Variants in PPARGC1A observed in about 807,000 individuals in gnomAD.
The protein encoded by PPARGC1A is PPARG coactivator 1 alpha, also known as peroxisome proliferator-activated receptor gamma coactivator 1-alpha.
Under a neutral mutation model 88.7 loss-of-function variants are expected in PPARGC1A, and 25 were observed. The ratio of observed to expected loss-of-function variants is 0.28; its 90% CI spans 0.21 to 0.39. The LOEUF (loss-of-function observed/expected upper bound fraction) is 0.39, where lower values mean the gene tolerates loss of function less well. Ranked by LOEUF, PPARGC1A falls within the 10% of genes least tolerant of loss-of-function variation. The pLI is 1.00. For synonymous variants in PPARGC1A, 363 were observed against 355.6 expected, an observed-to-expected ratio of 1.02 and a Z score of -0.24; for missense variants, 880 against 968.7, an observed-to-expected ratio of 0.91 and a Z score of 1.22.
the PPARGC1A span, among the ~76,000 whole-genome samples, chr4:24,280,610 A>G: frequency 3.9e-5 from 6 of 152,250 alleles, no homozygotes; most frequent in Admixed American, 2.0e-4. Flanking sequence ...ATGAGTAGAA[A>G]ATAGTGGTCG....
the PPARGC1A span, among the ~76,000 whole-genome samples, chr4:24,420,955 A>C: frequency 6.6e-6 from 1 of 152,208 alleles, no homozygotes; most frequent in Admixed American, 6.5e-5. Context: ...CTCATATGGC[A>C]GAAAATGTTA....
intron 2 of PPARGC1A, among the ~76,000 whole-genome samples, chr4:23,839,230 A>G (rs1726601064): frequency 6.6e-6 from 1 of 152,178 alleles, no homozygotes; most frequent in East Asian, 1.9e-4. Flanking sequence ...AGTATTCTGT[A>G]GAGGTTATAA....
chr4:23,871,799 T>C (rs555173627), intron 2 of PPARGC1A, among the ~76,000 whole-genome samples: 12 of 152,256 alleles, frequency 7.9e-5, no homozygotes, highest in Non-Finnish European at 1.3e-4. Context: ...GAGGCACTTT[T>C]CCCCTATACA....
chr4:24,000,699 G>A, the PPARGC1A span, among the ~76,000 whole-genome samples: 4,567 of 152,166 alleles, frequency 0.03, 257 homozygotes, highest in African/African-American at 0.1. Context: ...CTGACGCTAG[G>A]CAGCTAAGTG....
At chr4:24,045,382 G>C in the PPARGC1A span, among the ~76,000 whole-genome samples, 1 of 152,220 alleles carries the variant, frequency 6.6e-6, no homozygotes, top group East Asian at 1.9e-4. Flanking sequence ...TAGGTCCCTA[G>C]GGGCGCTATT....
the PPARGC1A span, among the ~76,000 whole-genome samples, chr4:24,032,893 C>T: frequency 2.0e-4 from 31 of 152,298 alleles, no homozygotes; most frequent in African/African-American, 6.3e-4. Context: ...TGCTCTAAGT[C>T]GCACACACCC....
chr4:24,179,597 G>A, the PPARGC1A span, among the ~76,000 whole-genome samples: 21 of 152,192 alleles, frequency 1.4e-4, no homozygotes, highest in African/African-American at 4.1e-4. Context: ...ACAGCCTGAC[G>A]AGCCCCCAAT....
the PPARGC1A span, among the ~76,000 whole-genome samples, chr4:24,299,373 T>C: frequency 6.6e-6 from 1 of 152,274 alleles, no homozygotes; most frequent in Middle Eastern, 3.4e-3. Context: ...ATGTTAAAAG[T>C]CTATGTCTTG....
At chr4:24,164,770 G>C in the PPARGC1A span, among the ~76,000 whole-genome samples, 2 of 152,126 alleles carry the variant, frequency 1.3e-5, no homozygotes, top group Non-Finnish European at 2.9e-5. Flanking sequence ...TCTTTGCTTT[G>C]TTCCTGGTGC....
the PPARGC1A span, among the ~76,000 whole-genome samples, chr4:24,281,184 T>C: frequency 2.0e-5 from 3 of 152,200 alleles, no homozygotes; most frequent in African/African-American, 7.2e-5. Context: ...CCAAGCAAAT[T>C]CAGTAACAGT....
the PPARGC1A span, among the ~76,000 whole-genome samples, chr4:24,044,398 G>A: frequency 6.6e-6 from 1 of 152,158 alleles, no homozygotes; most frequent in Non-Finnish European, 1.5e-5. Flanking sequence ...TGCAAGCACA[G>A]CAAAAGTATT....
chr4:24,061,267 G>A, the PPARGC1A span, among the ~76,000 whole-genome samples: 6 of 152,258 alleles, frequency 3.9e-5, no homozygotes, highest in East Asian at 3.9e-4. Flanking sequence ...TCACGGTGCC[G>A]AAGAACAGCC....
chr4:24,200,454 T>G, the PPARGC1A span, among the ~76,000 whole-genome samples: 1 of 151,658 alleles, frequency 6.6e-6, no homozygotes, highest in African/African-American at 2.4e-5. Flanking sequence ...GAGGTTGCAG[T>G]GAGCTGAGAT....
the PPARGC1A span, among the ~76,000 whole-genome samples, chr4:24,000,846 T>C: frequency 2.0e-5 from 3 of 152,346 alleles, no homozygotes; most frequent in East Asian, 3.9e-4. Context: ...TCTTTTCTGA[T>C]AATCTGATCC....
the PPARGC1A span, among the ~76,000 whole-genome samples, chr4:24,360,250 G>T: frequency 3.9e-5 from 6 of 152,132 alleles, no homozygotes; most frequent in African/African-American, 1.4e-4. Context: ...GGGAAATGTG[G>T]CTTTAAAAAC....
the PPARGC1A span, among the ~76,000 whole-genome samples, chr4:24,387,904 G>GAGAA: frequency 1.3e-3 from 33 of 25,230 alleles, no homozygotes; most frequent in South Asian, 2.7e-3. Flanking sequence ...GAAAAAGAAA[G>GAGAA]AGAAAGAAAG....
the PPARGC1A span, among the ~76,000 whole-genome samples, chr4:23,916,900 T>A: frequency 1.3e-5 from 2 of 152,242 alleles, no homozygotes; most frequent in Non-Finnish European, 2.9e-5. Context: ...TGAACATTTT[T>A]AAAACATGAC....
the PPARGC1A span, among the ~76,000 whole-genome samples, chr4:24,356,846 A>T: frequency 6.6e-6 from 1 of 152,234 alleles, no homozygotes; most frequent in Non-Finnish European, 1.5e-5. Context: ...TGAGATTTAG[A>T]TTCAAATGAC....
At position 23,814,420 on chromosome 4, in the gene PPARGC1A, A is replaced by T. The variant is rs749421285; in HGVS notation, c.1063T>A (p.Tyr355Asn). The T allele has an allele frequency of 1.2e-6, 2 of 1,613,590 alleles. No individual in the cohort carries two copies. The highest frequency in any genetic ancestry group is 1.7e-6 in the Non-Finnish European group (2 of 1,179,884). Residue 355 changes from tyrosine to asparagine, a missense_variant, in exon 8 of 13, where the codon TAT becomes AAT. Coordinates refer to ENST00000264867, the MANE Select transcript of PPARGC1A (RefSeq NM_013261.5). ...TKKGPEQSEL[Y>N]AQLSKSSVLT... ...ACTGAGGACTTGCTGAGTTGTGCATACAACTCGGATTGCTCCGGCCCTTTC... is the reference window on the plus strand; with the variant it reads ...ACTGAGGACTTGCTGAGTTGTGCATTCAACTCGGATTGCTCCGGCCCTTTC...
Sources: allele counts gnomAD v4.1 joint callset (sites outside exome capture counted in the v4.1 genomes callset), GRCh38; gene constraint gnomAD v4.1.1; transcripts MANE v1.5; gene names NCBI Gene and HGNC (gene_info 2026-07-23, HGNC 2026-07-21).